The following ONECUT3 variants were observed in gnomAD, a reference collection of about 807,000 sequenced individuals.
The protein encoded by ONECUT3 is one cut domain family member 3.
Under a neutral mutation model 16.8 loss-of-function variants are expected in ONECUT3, and 11 were observed. The observed-to-expected ratio is 0.66, with a 90% CI of 0.41 to 1.09. The LOEUF is 1.09. Among genes scored for constraint, ONECUT3 ranks in the 50% least tolerant of loss-of-function variants. ONECUT3 has a pLI of 0.00. For synonymous variants in ONECUT3, 344 were observed against 310.7 expected (o/e 1.11, Z -1.13); for missense variants, 637 against 629.9 (o/e 1.01, Z -0.12).
In ONECUT3 at chr19:1,777,259, C is replaced by T. The variant is rs972545564; in HGVS notation, c.*1814C>T. On this transcript the variant is annotated 3_prime_UTR_variant, in exon 2 of 2. Transcript: ENST00000382349. ...AAAGGGTCCCCATTCCTGCTCAGCA[C>T]CGCACCTCTCTACCCCCCCACAGAC... 2.0e-5 allele frequency: 3 copies of T among 152,446 alleles called. No individual in the cohort carries two copies. Among genetic ancestry groups the T allele is most frequent in the African/African-American group, 7.2e-5 (3 of 41,444 alleles). The allele number at this position is 152,446 out of a possible 1,614,324, so 9.4% of individuals were successfully genotyped here. A position where few individuals can be genotyped will look rare whatever the true frequency, so the allele number is the denominator to read the frequency against.
intron 1 of ONECUT3, among the ~76,000 whole-genome samples, chr19:1,757,687 C>G (rs1490848040): frequency 6.6e-6 from 1 of 152,228 alleles, no homozygotes; most frequent in African/African-American, 2.4e-5. Context: ...TAAGAGGTGG[C>G]GGGGGCGAGG....
At position 1,763,808 on chromosome 19, in the gene ONECUT3, C is replaced by T. The variant is rs1432020331; in HGVS notation, c.1192+8954C>T. On this transcript the variant is annotated intron_variant, in intron 1 of 1. Transcript: ENST00000382349. ...TTCCCCCCGGCTCAGATCCGTGAAG[C>T]GCGCATCCTGGTCATTTTTGCCGGC... 2.0e-5 allele frequency among the ~76,000 whole-genome samples: 3 copies of T among 149,982 alleles called. No homozygotes were observed. In the Admixed American group the frequency reaches 2.0e-4, roughly 10 times the overall value.
rs1458643965 is a variant in ONECUT3 at position 1,755,243 on chromosome 19, C to A, written c.1192+389C>A. ...TGTTGGGGGGAGCTGTGTCCCCGAACGAGCTGCTGTTGTCGGCTAAGGTGC... is the reference window on the plus strand; with the variant it reads ...TGTTGGGGGGAGCTGTGTCCCCGAAAGAGCTGCTGTTGTCGGCTAAGGTGC... On this transcript the variant is annotated intron_variant, in intron 1 of 1. Transcript: ENST00000382349. This position sits in a 1 kb window ranked among gnomAD's most constrained non-coding sequence, Gnocchi z 7.5. Among the ~76,000 whole-genome samples the A allele has an allele frequency of 6.6e-6, 1 of 151,762 alleles. No individual in the cohort carries two copies. Among genetic ancestry groups the A allele is most frequent in the African/African-American group, 2.4e-5 (1 of 41,294 alleles).
intron 1 of ONECUT3, among the ~76,000 whole-genome samples, chr19:1,761,828 T>G (rs1002889335): frequency 7.9e-5 from 12 of 152,224 alleles, no homozygotes; most frequent in Non-Finnish European, 1.8e-4. Context: ...TGAGAGGGGC[T>G]GAGAAACCGG....
chr19:1,767,405 C>T (rs985566120), intron 1 of ONECUT3, among the ~76,000 whole-genome samples: 1 of 151,658 alleles, frequency 6.6e-6, no homozygotes, highest in African/African-American at 2.4e-5. Context: ...GGTCAGACCA[C>T]CCTCTTGGGC....
At chr19:1,768,870 C>T (rs1308595570) in intron 1 of ONECUT3, among the ~76,000 whole-genome samples, 10 of 16,104 alleles carry the variant, frequency 6.2e-4, no homozygotes, top group African/African-American at 2.4e-3. Flanking sequence ...GAGGAGGTGG[C>T]GGAGGTAGAG....
In ONECUT3 at chr19:1,780,608, G is replaced by C. The variant is rs1238495750; in HGVS notation, c.*5163G>C. 2 of 152,362 alleles carry C rather than the reference G, an allele frequency of 1.3e-5. No individual in the cohort carries two copies. The highest frequency in any genetic ancestry group is 3.8e-4 in the East Asian group (2 of 5,202). 9.4% of individuals were successfully genotyped at this position (152,362 alleles called of 1,614,324 possible). On this transcript the variant is annotated 3_prime_UTR_variant, in exon 2 of 2. Coordinates refer to ENST00000382349, the MANE Select transcript of ONECUT3 (RefSeq NM_001080488.2). ...GGTCTGGAGGGCTGGGCCTGGGGCT[G>C]AGGGCTCAGCTGACCTCAAATCTGA...
rs112824295 is a variant in ONECUT3, at chr19:1,762,825, G to A, written c.1192+7971G>A. On this transcript the variant is annotated intron_variant, in intron 1 of 1. Coordinates refer to ENST00000382349, the MANE Select transcript of ONECUT3 (RefSeq NM_001080488.2). This position sits in a 1 kb window ranked among gnomAD's most constrained non-coding sequence, Gnocchi z 4.4. The stretch of plus-strand genomic sequence containing the variant: ...TGTCTGGCGCCCCAGAACCGCGGCC[G>A]TCCTGGGTGCGCTCAGCTCCAGCGC... 6.7e-6 allele frequency among the ~76,000 whole-genome samples: 1 copy of A among 148,250 alleles called. No individual in the cohort carries two copies. The highest frequency in any genetic ancestry group is 6.7e-5 in the Admixed American group (1 of 14,866).
In ONECUT3 at chr19:1,758,793, G is replaced by A. The variant is rs1311840485; in HGVS notation, c.1192+3939G>A. 6.6e-6 allele frequency among the ~76,000 whole-genome samples: 1 copy of A among 152,172 alleles called. No homozygotes were observed. The highest frequency in any genetic ancestry group is 1.5e-5 in the Non-Finnish European group (1 of 68,022). On this transcript the variant is annotated intron_variant, in intron 1 of 1. Coordinates refer to ENST00000382349, the MANE Select transcript of ONECUT3 (RefSeq NM_001080488.2). This position sits in a 1 kb window ranked among gnomAD's most constrained non-coding sequence, Gnocchi z 5.9. ...GGAGGGGCGGGCGGGCTCCTCGGCGGGGGTGGGGGCGGTCGATGAATTCGA... is the reference window on the plus strand; with the variant it reads ...GGAGGGGCGGGCGGGCTCCTCGGCGAGGGTGGGGGCGGTCGATGAATTCGA...
In ONECUT3 at chr19:1,770,789, A is replaced by T. The variant is rs72971559; in HGVS notation, c.1193-4364A>T. The stretch of plus-strand genomic sequence containing the variant: ...AATTCAGTTTTTTGCATTTCCTTCC[A>T]TGTTTCTTTATGCAGATAAAATATA... On this transcript the variant is annotated intron_variant, in intron 1 of 1. Coordinates refer to ENST00000382349, the MANE Select transcript of ONECUT3 (RefSeq NM_001080488.2). Among the ~76,000 whole-genome samples, 1,149 of 152,222 alleles carry T rather than the reference A, an allele frequency of 7.5e-3. 13 individuals carry two copies. Among genetic ancestry groups the T allele is most frequent in the South Asian group, 0.018 (87 of 4,822 alleles).
At chr19:1,769,001 G>C (rs1409241780) in intron 1 of ONECUT3, among the ~76,000 whole-genome samples, 1 of 92,538 alleles carries the variant, frequency 1.1e-5, no homozygotes, top group East Asian at 4.1e-4. Context: ...GGAGGTGATG[G>C]TGGAGGTGGT....
Position 1,757,641 on chromosome 19 carries a change from G to A in ONECUT3, c.1192+2787G>A, listed in dbSNP as rs1280228080. 2.0e-5 allele frequency among the ~76,000 whole-genome samples: 3 copies of A among 152,054 alleles called. No homozygotes were observed. In the East Asian group the frequency reaches 5.8e-4, roughly 30 times the overall value. ...ACCTGTCGCGTCTCAGGTGCCCTGG[G>A]GGCCGCGTCTACACCACCGGACTCC... is the stretch of plus-strand genomic sequence containing the variant. On this transcript the variant is annotated intron_variant, in intron 1 of 1. Coordinates refer to ENST00000382349, the MANE Select transcript of ONECUT3 (RefSeq NM_001080488.2).
In ONECUT3 at chr19:1,755,856, C is replaced by T. The variant is rs900747952; in HGVS notation, c.1192+1002C>T. On this transcript the variant is annotated intron_variant, in intron 1 of 1. Coordinates refer to ENST00000382349, the MANE Select transcript of ONECUT3 (RefSeq NM_001080488.2). The surrounding 1 kb of genome is among the most constrained non-coding windows in gnomAD (Gnocchi z 7.5). ...CACACCTGCCCTCTGACAGGCAGCC[C>T]GGCCAGGCCCCCATTTCCTAGGTGG... Among the ~76,000 whole-genome samples, 1 of 152,212 alleles carries T rather than the reference C, an allele frequency of 6.6e-6. No homozygotes were observed. The highest frequency in any genetic ancestry group is 2.4e-5 in the African/African-American group (1 of 41,456).
Position 1,776,754 on chromosome 19 carries a change from TGAAATCCCCCCA to T in ONECUT3, c.*1310_*1321del, listed in dbSNP as rs2068112392. ...CCGAGTCTAGAAGGAACCTCCTCCC[TGAAATCCCCCCA>T]CTCATCGGCTGCCTCCCAGGGAGGA... is the stretch of plus-strand genomic sequence containing the variant. On this transcript the variant is annotated 3_prime_UTR_variant, in exon 2 of 2. Coordinates refer to ENST00000382349, the MANE Select transcript of ONECUT3 (RefSeq NM_001080488.2). This position sits in a 1 kb window ranked among gnomAD's most constrained non-coding sequence, Gnocchi z 4.9. The T allele has an allele frequency of 6.7e-6, 1 of 149,922 alleles. No homozygotes were observed. Among genetic ancestry groups the T allele is most frequent in the African/African-American group, 2.5e-5 (1 of 40,488 alleles). The allele number at this position is 149,922 out of a possible 1,614,324, so 9.3% of individuals were successfully genotyped here. A position where few individuals can be genotyped will look rare whatever the true frequency, so the allele number is the denominator to read the frequency against.
chr19:1,761,757 C>A (rs1050452033), intron 1 of ONECUT3, among the ~76,000 whole-genome samples: 3 of 152,200 alleles, frequency 2.0e-5, no homozygotes, highest in Admixed American at 6.5e-5. Context: ...ACCCACCTGA[C>A]CTTGGGCAGC....
At chr19:1,774,716 A>G (rs1310360928) in intron 1 of ONECUT3, among the ~76,000 whole-genome samples, 2 of 79,412 alleles carry the variant, frequency 2.5e-5, no homozygotes, top group Non-Finnish European at 5.0e-5. Context: ...GGGGTGCCTG[A>G]GTGGGCTCCA....
intron 1 of ONECUT3, among the ~76,000 whole-genome samples, chr19:1,763,091 C>CGG (rs1396146150): frequency 6.6e-6 from 1 of 151,558 alleles, no homozygotes; most frequent in Non-Finnish European, 1.5e-5. Flanking sequence ...TGGCCGGGTG[C>CGG]GGTGGCTCAC....
intron 1 of ONECUT3, among the ~76,000 whole-genome samples, chr19:1,765,301 C>A (rs545909683): frequency 1.4e-4 from 22 of 152,320 alleles, no homozygotes; most frequent in Non-Finnish European, 2.8e-4. Flanking sequence ...GCACTGCTGG[C>A]GTCCACTGGG....
intron 1 of ONECUT3, among the ~76,000 whole-genome samples, chr19:1,772,909 T>C (rs1395006272): frequency 6.7e-6 from 1 of 148,340 alleles, no homozygotes; most frequent in Non-Finnish European, 1.5e-5. Context: ...TTCACCGTGT[T>C]AGCCAGGATG....
Sources: gnomAD v4.1 joint callset for allele counts (sites outside exome capture counted in the v4.1 genomes callset) on GRCh38, gnomAD v4.1.1 for gene constraint, Gnocchi (gnomAD v3.1) non-coding constraint, MANE v1.5 for transcripts, NCBI Gene and HGNC (gene_info 2026-07-23, HGNC 2026-07-21) for gene names.